Variants in TNK2 observed in about 807,000 individuals in gnomAD.
The protein encoded by TNK2 is activated CDC42 kinase 1.
Under a neutral mutation model 101.8 loss-of-function variants are expected in TNK2, and 83 were observed. The observed-to-expected ratio is 0.82, with a 90% CI of 0.68 to 0.98. The LOEUF is 0.98. Ranked by LOEUF, TNK2 falls within the 50% of genes least tolerant of loss-of-function variation. The pLI, the probability that TNK2 is intolerant of heterozygous loss-of-function variation, is 0.00. For missense variants in TNK2, 1,665 were observed against 1,483.2 expected (o/e 1.12, Z -2.01); for synonymous variants, 804 against 633.0 (o/e 1.27, Z -4.06).
At chr3:195,869,419 G>T in intron 12 of TNK2, 78 bp downstream of exon 12, 1 of 1,459,928 alleles carries the variant, frequency 6.8e-7, no homozygotes, top group Non-Finnish European at 9.4e-7. Context: ...AGCCGCCCAG[G>T]CTCTGTACCT....
At position 195,888,451 on chromosome 3, in the gene TNK2, C is replaced by A; in HGVS notation, c.138G>T (p.Leu46=). The A allele has an allele frequency of 3.1e-6, 5 of 1,614,004 alleles. No homozygotes were observed. Among genetic ancestry groups the A allele is most frequent in the Non-Finnish European group, 4.2e-6 (5 of 1,179,928 alleles). The change falls in exon 2 of 16, where the codon CTG becomes CTT. Residue 46 remains leucine (L), a synonymous_variant. Coordinates refer to ENST00000672887, the MANE Select transcript of TNK2 (RefSeq NM_001382273.1). This position sits in a 1 kb window ranked among gnomAD's most constrained non-coding sequence, Gnocchi z 5.3. The stretch of plus-strand genomic sequence containing the variant: ...CAGGCCGACCCATGCCGATCTTCTC[C>A]AGGTCCTCATTCTTGACGTACTCAA... The part of the protein sequence containing the change: ...SHFEYVKNED[L]EKIGMGRPGQ...
chr3:195,872,902 C>G (rs1405975084), intron 9 of TNK2: 1 of 176,652 alleles, frequency 5.7e-6, no homozygotes. Context: ...CTTCTGGCCA[C>G]TTGATTTCAC....
rs527834178 is a variant in TNK2, at chr3:195,903,469, G to A, written c.-19+5016C>T. Among the ~76,000 whole-genome samples, 443 of 152,266 alleles carry A rather than the reference G, an allele frequency of 2.9e-3. 1 individual carries two copies. The highest frequency in any genetic ancestry group is 9.6e-3 in the African/African-American group (399 of 41,552). ...TGGTGGCCCACCCCCATAATCCCAG[G>A]ACTTTGGCAGGCCGAGGCGGGCAGG... On this transcript the variant is annotated intron_variant, in intron 1 of 15. Coordinates refer to ENST00000672887, the MANE Select transcript of TNK2 (RefSeq NM_001382273.1).
At chr3:195,874,318 C>A (rs186414107) in intron 9 of TNK2, among the ~76,000 whole-genome samples, 125 of 152,360 alleles carry the variant, frequency 8.2e-4, no homozygotes, top group Non-Finnish European at 1.6e-3. Context: ...ACAGAAGCCT[C>A]CTTTGGGACC....
chr3:195,895,474 G>A (rs1297772796), intron 1 of TNK2: 3 of 1,370,474 alleles, frequency 2.2e-6, no homozygotes, highest in South Asian at 1.7e-5. Flanking sequence ...ATCCGCCATC[G>A]GCCGGCGGCC....
At position 195,892,692 on chromosome 3, in the gene TNK2, G is replaced by A. The variant is rs563474560; in HGVS notation, c.-18-4086C>T. The A allele has an allele frequency of 2.5e-4, 355 of 1,393,242 alleles. 1 individual carries two copies. The South Asian group carries it at 5.1e-3, about 20-fold the overall frequency. 86.3% of individuals were successfully genotyped at this position (1,393,242 alleles called of 1,614,324 possible). A position where few individuals can be genotyped will look rare whatever the true frequency, so the allele number is the denominator to read the frequency against. On this transcript the variant is annotated intron_variant, in intron 1 of 15. Transcript: ENST00000672887. ...TGGCAGGGAGCAGAGCTTTCCTCAC[G>A]CTGGCTGCAGCCGGGATCCTCTGTC... is the stretch of plus-strand genomic sequence containing the variant.
rs371737738 is a variant in TNK2 at position 195,868,269 on chromosome 3, C to T, written c.2029G>A (p.Gly677Arg). 119 of 1,604,132 alleles carry T rather than the reference C, an allele frequency of 7.4e-5. No homozygotes were observed. Among genetic ancestry groups the T allele is most frequent in the Non-Finnish European group, 9.1e-5 (107 of 1,179,496 alleles). The change falls in exon 13 of 16, where the codon GGG becomes AGG. Residue 677 changes from glycine (G) to arginine (R), a missense_variant. Physicochemically the swap from Gly to Arg is moderately radical, Grantham distance 125. Around this residue, in one of 3 missense-constraint regions of TNK2, gnomAD observed 1,136 missense variants for 894.9 expected, o/e 1.27. Transcript: ENST00000672887. Reference protein sequence around the residue: ...STLVGAGVPAGPSQGQTNYAF... With the variant: ...STLVGAGVPARPSQGQTNYAF... ...TAGTTGGTCTGGCCCTGGCTGGGCC[C>T]GGCAGGGACCCCCGCGCCCACGAGG... is the stretch of plus-strand genomic sequence containing the variant.
In TNK2 at chr3:195,878,584, A is replaced by C; in HGVS notation, c.1023T>G (p.His341Gln). The C allele has an allele frequency of 6.2e-7, 1 of 1,612,892 alleles. No homozygotes were observed. Among genetic ancestry groups the C allele is most frequent in the East Asian group, 2.2e-5 (1 of 44,836 alleles). Reference sequence around the variant, plus strand: ...GCCGCTCCCCCTCCTTGTCGATCTTATGCAGGATCTGAAGGTGAGGAGGTG... The same window carrying C: ...GCCGCTCCCCCTCCTTGTCGATCTTCTGCAGGATCTGAAGGTGAGGAGGTG... ...WIGLNGSQIL[H>Q]KIDKEGERLP... The change falls in exon 8 of 16, where the codon CAT becomes CAG. Residue 341 changes from histidine to glutamine, a missense_variant. By Grantham distance (24) the His-to-Gln change is conservative. Coordinates refer to ENST00000672887, the MANE Select transcript of TNK2 (RefSeq NM_001382273.1). The surrounding 1 kb of genome is among the most constrained non-coding windows in gnomAD (Gnocchi z 4.7).
At chr3:195,894,722 CA>C (rs1052808538) in intron 1 of TNK2, 3 of 152,542 alleles carry the variant, frequency 2.0e-5, no homozygotes, top group African/African-American at 7.2e-5. Context: ...CCCAGGAAAA[CA>C]GCCCGACCTT....
intron 9 of TNK2, among the ~76,000 whole-genome samples, chr3:195,873,909 C>T (rs1398919427): frequency 1.3e-5 from 2 of 152,224 alleles, no homozygotes; most frequent in Non-Finnish European, 2.9e-5. Context: ...GGCCCCACCA[C>T]ACACAGCCAC....
At chr3:195,902,646 TA>T (rs60167945) in intron 1 of TNK2, among the ~76,000 whole-genome samples, 24,734 of 120,374 alleles carry the variant, frequency 0.21, 2,082 homozygotes, top group Non-Finnish European at 0.24. Context: ...AAAACAAACA[TA>T]AAAAAAAAAA....
At chr3:195,891,978 T>C in intron 1 of TNK2, 6 of 1,001,038 alleles carry the variant, frequency 6.0e-6, no homozygotes, top group Non-Finnish European at 7.1e-6. Flanking sequence ...AGGGGATGCA[T>C]GTGGGAGGAC....
chr3:195,889,835 C>G (rs1046477878), intron 1 of TNK2, among the ~76,000 whole-genome samples: 2 of 152,200 alleles, frequency 1.3e-5, no homozygotes, highest in African/African-American at 2.4e-5. Context: ...AGGCTAGCCC[C>G]GGACCCATGC....
chr3:195,896,694 G>A (rs1027775095), intron 1 of TNK2: 1 of 154,344 alleles, frequency 6.5e-6, no homozygotes. Flanking sequence ...GTAAATCTCT[G>A]GCGTCCTAGT....
intron 1 of TNK2, chr3:195,896,160 C>T (rs1167741415): frequency 4.4e-6 from 2 of 455,058 alleles, no homozygotes; most frequent in Admixed American, 2.4e-5. Context: ...GAGGCCATCG[C>T]CGGCACAGGA....
chr3:195,872,725 G>A (rs952562932), intron 9 of TNK2: 1 of 488,682 alleles, frequency 2.0e-6, no homozygotes, highest in African/African-American at 2.0e-5. Context: ...CAAATAAGGA[G>A]GCACGCTGGA....
chr3:195,866,851 TG>T, intron 15 of TNK2, 37 bp downstream of exon 15: 1 of 1,598,300 alleles, frequency 6.3e-7, no homozygotes. Flanking sequence ...ACAGCCCTCC[TG>T]GGGCACGGAG....
chr3:195,895,155 C>A, intron 1 of TNK2: 1 of 1,282,608 alleles, frequency 7.8e-7, no homozygotes. Flanking sequence ...ACTCCTGAGG[C>A]CGCCGCAGGG....
intron 6 of TNK2, among the ~76,000 whole-genome samples, chr3:195,880,319 C>G (rs1751673375): frequency 6.6e-6 from 1 of 152,140 alleles, no homozygotes; most frequent in Non-Finnish European, 1.5e-5. Flanking sequence ...GAGTCTTTCC[C>G]TGGCGAACTT....
Sources: gnomAD v4.1 joint callset for allele counts (sites outside exome capture counted in the v4.1 genomes callset) on GRCh38, gnomAD v4.1.1 for gene constraint, gnomAD v4.1.1 regional missense constraint, Gnocchi (gnomAD v3.1) non-coding constraint, MANE v1.5 for transcripts, NCBI Gene and HGNC (gene_info 2026-07-23, HGNC 2026-07-21) for gene names.